The following DIXDC1 variants were observed in gnomAD, a reference collection of about 807,000 sequenced individuals.
The protein encoded by DIXDC1 is dixin.
In DIXDC1, 64 loss-of-function variants were observed where a neutral mutation model predicts 103.1. The ratio of observed to expected loss-of-function variants is 0.62; its 90% CI spans 0.51 to 0.76. DIXDC1 has a LOEUF of 0.76. Ranked by LOEUF, DIXDC1 falls within the 30% of genes least tolerant of loss-of-function variation. The pLI, the probability that DIXDC1 is intolerant of heterozygous loss-of-function variation, is 0.00. For synonymous variants in DIXDC1, 266 were observed against 298.5 expected (o/e 0.89, Z 1.12); for missense variants, 759 against 834.2 (o/e 0.91, Z 1.11).
intron 1 of DIXDC1, among the ~76,000 whole-genome samples, chr11:111,950,844 A>C (rs1276434032): frequency 6.6e-6 from 1 of 152,200 alleles, no homozygotes; most frequent in Non-Finnish European, 1.5e-5. Context: ...TGGGGTATCC[A>C]TCACCACAAA....
chr11:112,020,253 C>T lies in DIXDC1; in HGVS notation c.*1217C>T, dbSNP rs1555178292. The T allele has an allele frequency of 6.6e-6, 1 of 152,562 alleles. No individual in the cohort carries two copies. The highest frequency in any genetic ancestry group is 2.4e-5 in the African/African-American group (1 of 41,422). The allele number at this position is 152,562 out of a possible 1,614,324, so 9.5% of individuals were successfully genotyped here. On this transcript the variant is annotated 3_prime_UTR_variant, in exon 20 of 20. Transcript: ENST00000440460. ...CCATCAAGCACCATCAACCAGTCAG[C>T]CATTATTATTTATATATGTATTACC... is the stretch of plus-strand genomic sequence containing the variant.
intron 1 of DIXDC1, among the ~76,000 whole-genome samples, chr11:111,962,954 G>A (rs782618647): frequency 2.0e-5 from 3 of 152,184 alleles, no homozygotes; most frequent in Non-Finnish European, 4.4e-5. Flanking sequence ...TCTGGCCCAC[G>A]TGAGGCAGAA....
chr11:112,012,219 G>A (rs767221192), intron 17 of DIXDC1, among the ~76,000 whole-genome samples: 35 of 152,120 alleles, frequency 2.3e-4, no homozygotes, highest in African/African-American at 7.7e-4. Flanking sequence ...AAAATTTATA[G>A]GAAAGAATAA....
At chr11:112,011,722 A>G (rs1418451559) in intron 17 of DIXDC1, among the ~76,000 whole-genome samples, 1 of 151,376 alleles carries the variant, frequency 6.6e-6, no homozygotes, top group African/African-American at 2.4e-5. Context: ...CAAACACCGC[A>G]TGTCCTCACT....
intron 17 of DIXDC1, among the ~76,000 whole-genome samples, chr11:112,010,066 A>T (rs1592629435): frequency 8.4e-6 from 1 of 119,294 alleles, no homozygotes; most frequent in Non-Finnish European, 1.6e-5. Flanking sequence ...AAACCCCATC[A>T]TCTCAGCCCA....
chr11:111,964,160 A>C (rs1328312992), intron 1 of DIXDC1, among the ~76,000 whole-genome samples: 1 of 152,202 alleles, frequency 6.6e-6, no homozygotes, highest in Non-Finnish European at 1.5e-5. Context: ...TGTTTCTGAG[A>C]AGTGCGGTGG....
chr11:111,995,416 A>G lies in DIXDC1; in HGVS notation c.1541A>G (p.Gln514Arg). The G allele has an allele frequency of 6.2e-7, 1 of 1,612,648 alleles. No homozygotes were observed. Among genetic ancestry groups the G allele is most frequent in the Non-Finnish European group, 8.5e-7 (1 of 1,179,906 alleles). ...TTTTGCCCACAGACCAGCGACCTGCAGCTTGTTCGAGATGCTCTCCGCAGC... is the reference window on the plus strand; with the variant it reads ...TTTTGCCCACAGACCAGCGACCTGCGGCTTGTTCGAGATGCTCTCCGCAGC... Reference protein sequence around the residue: ...SVSNRGTSDLQLVRDALRSLR... With the variant: ...SVSNRGTSDLRLVRDALRSLR... Residue 514 changes from glutamine to arginine, a missense_variant, in exon 16 of 20, where the codon CAG becomes CGG. Gln to Arg is a conservative substitution (Grantham distance 43). Around this residue, in one of 3 missense-constraint regions of DIXDC1, gnomAD observed 657 missense variants for 727.5 expected, o/e 0.90. Transcript: ENST00000440460.
At chr11:111,949,155 G>A (rs1191147230) in intron 1 of DIXDC1, among the ~76,000 whole-genome samples, 1 of 152,178 alleles carries the variant, frequency 6.6e-6, no homozygotes, top group Non-Finnish European at 1.5e-5. Flanking sequence ...CATGTAGTAA[G>A]TGCTTGGTAG....
At chr11:111,945,023 C>A (rs1966546082) in intron 1 of DIXDC1, among the ~76,000 whole-genome samples, 1 of 152,132 alleles carries the variant, frequency 6.6e-6, no homozygotes, top group South Asian at 2.1e-4. Flanking sequence ...CCAACTTGAA[C>A]TAGCAGGGAT....
chr11:111,977,612 C>A lies in DIXDC1; in HGVS notation c.656+2629C>A. Reference sequence around the variant, plus strand: ...CGCCGCCGCCGTTCCCGCTTTCTCCCGCGAGCCGGGCCAGTAGCTTTGCTA... The same window carrying A: ...CGCCGCCGCCGTTCCCGCTTTCTCCAGCGAGCCGGGCCAGTAGCTTTGCTA... On this transcript the variant is annotated intron_variant, in intron 5 of 19. Coordinates refer to ENST00000440460, the MANE Select transcript of DIXDC1 (RefSeq NM_001037954.4). The surrounding 1 kb of genome is among the most constrained non-coding windows in gnomAD (Gnocchi z 6.1). 1 of 1,521,224 alleles carries A rather than the reference C, an allele frequency of 6.6e-7. No homozygotes were observed. The highest frequency in any genetic ancestry group is 2.2e-4 in the Middle Eastern group (1 of 4,458). 94.2% of individuals were successfully genotyped at this position (1,521,224 alleles called of 1,614,324 possible). A position where few individuals can be genotyped will look rare whatever the true frequency, so the allele number is the denominator to read the frequency against.
intron 1 of DIXDC1, among the ~76,000 whole-genome samples, chr11:111,959,456 C>T (rs1207015965): frequency 6.6e-6 from 1 of 152,210 alleles, no homozygotes; most frequent in Non-Finnish European, 1.5e-5. Flanking sequence ...CTGGAGCTGC[C>T]CACCCCACCA....
intron 17 of DIXDC1, among the ~76,000 whole-genome samples, chr11:112,006,358 G>T (rs1861238187): frequency 6.6e-6 from 1 of 152,190 alleles, no homozygotes; most frequent in Admixed American, 6.5e-5. Flanking sequence ...TGGGAGCAGG[G>T]CATAGCTGAA....
At chr11:111,992,551 G>A in intron 11 of DIXDC1, 32 bp downstream of exon 11, 2 of 1,531,546 alleles carry the variant, frequency 1.3e-6, no homozygotes, top group Non-Finnish European at 1.8e-6. Context: ...TGACCTCAGT[G>A]AGCCCCATTA....
chr11:112,012,860 C>T (rs1861466415), intron 17 of DIXDC1, among the ~76,000 whole-genome samples: 1 of 152,198 alleles, frequency 6.6e-6, no homozygotes, highest in Admixed American at 6.5e-5. Flanking sequence ...CGACTTTTCA[C>T]TAGTATCATC....
intron 17 of DIXDC1, among the ~76,000 whole-genome samples, chr11:112,008,504 A>C (rs1180336105): frequency 1.3e-5 from 2 of 152,228 alleles, no homozygotes; most frequent in African/African-American, 4.8e-5. Flanking sequence ...CAGAATATAC[A>C]TTCTTCTTAG....
At chr11:111,942,822 C>G (rs73560062) in intron 1 of DIXDC1, among the ~76,000 whole-genome samples, 1 of 152,092 alleles carries the variant, frequency 6.6e-6, no homozygotes, top group African/African-American at 2.4e-5. Context: ...TCTCAAGACC[C>G]CCAGTGGATG....
At chr11:111,946,383 C>T (rs1257046110) in intron 1 of DIXDC1, among the ~76,000 whole-genome samples, 1 of 152,206 alleles carries the variant, frequency 6.6e-6, no homozygotes, top group African/African-American at 2.4e-5. Context: ...GCTGGGATTA[C>T]AGGCTAATTT....
At chr11:111,955,968 T>G (rs1555170524) in intron 1 of DIXDC1, among the ~76,000 whole-genome samples, 1 of 146,410 alleles carries the variant, frequency 6.8e-6, no homozygotes, top group African/African-American at 2.6e-5. Flanking sequence ...AAAGAAAATG[T>G]GGTGCATATA....
intron 5 of DIXDC1, chr11:111,975,959 A>G (rs1026485653): frequency 7.8e-6 from 7 of 901,672 alleles, no homozygotes; most frequent in Non-Finnish European, 9.3e-6. Flanking sequence ...TAAAATTCAC[A>G]TAACATAAAA....
Sources: allele counts gnomAD v4.1 joint callset (sites outside exome capture counted in the v4.1 genomes callset), GRCh38; gene constraint gnomAD v4.1.1; regional missense constraint gnomAD v4.1.1; non-coding constraint Gnocchi (gnomAD v3.1); transcripts MANE v1.5; gene names NCBI Gene and HGNC (gene_info 2026-07-23, HGNC 2026-07-21).